PCDHGA8: variants seen among roughly 807,000 people sequenced by gnomAD.
PCDHGA8 encodes the protein protocadherin gamma subfamily A, 8.
In PCDHGA8, 45 loss-of-function variants were observed where a neutral mutation model predicts 59.2. That is an observed-to-expected ratio of 0.76 (90% confidence interval 0.60 to 0.98). The LOEUF (loss-of-function observed/expected upper bound fraction) is 0.98, where lower values mean the gene tolerates loss of function less well. Among genes scored for constraint, PCDHGA8 ranks in the 50% least tolerant of loss-of-function variants. The pLI is 0.00. For missense variants in PCDHGA8, 1,257 were observed against 1,196.2 expected (o/e 1.05, Z -0.75); for synonymous variants, 531 against 519.0 (o/e 1.02, Z -0.32).
intron 1 of PCDHGA8, among the ~76,000 whole-genome samples, chr5:141,430,357 T>C (rs1258305414): frequency 1.3e-5 from 2 of 149,904 alleles, no homozygotes; most frequent in Non-Finnish European, 3.0e-5. Context: ...ATTTAAAAGC[T>C]CATTGGGGAA....
intron 2 of PCDHGA8, among the ~76,000 whole-genome samples, chr5:141,502,124 A>G (rs4912762): frequency 0.55 from 83,213 of 152,012 alleles, 23,486 homozygotes; most frequent in African/African-American, 0.67. Flanking sequence ...CCAGGCCCAC[A>G]GAGCTCAGTC....
chr5:141,415,107 A>C (rs372656276), intron 1 of PCDHGA8: 12 of 1,613,634 alleles, frequency 7.4e-6, no homozygotes, highest in East Asian at 2.2e-5. Context: ...CGCTCAAGCA[A>C]AGCCTCGTAG....
rs758181180 is a variant in PCDHGA8 at position 141,485,483 on chromosome 5, G to T, written c.2425-9324G>T. The T allele has an allele frequency of 1.9e-6, 3 of 1,614,106 alleles. No homozygotes were observed. The highest frequency in any genetic ancestry group is 2.5e-6 in the Non-Finnish European group (3 of 1,180,022). ...GTGTGGGCTCAGTGCCAGCTGCATC[G>T]TGCCCCTGGAGTTTGTCACCGAAGG... On this transcript the variant is annotated intron_variant, in intron 1 of 3. Coordinates refer to ENST00000398604, the MANE Select transcript of PCDHGA8 (RefSeq NM_032088.2). The surrounding 1 kb of genome is among the most constrained non-coding windows in gnomAD (Gnocchi z 5.7).
In PCDHGA8 at chr5:141,410,925, C is replaced by T. The variant is rs576126485; in HGVS notation, c.2424+15688C>T. The T allele has an allele frequency of 2.3e-5, 5 of 217,506 alleles. No individual in the cohort carries two copies. The East Asian group carries it at 5.8e-4, about 25-fold the overall frequency. 13.5% of individuals were successfully genotyped at this position (217,506 alleles called of 1,614,324 possible). Reference sequence around the variant, plus strand: ...CTGGAGTGCAGTGGCGTGATCTCTGCTCACTGCAACCTCCGCCTTCTGGGT... The same window carrying T: ...CTGGAGTGCAGTGGCGTGATCTCTGTTCACTGCAACCTCCGCCTTCTGGGT... On this transcript the variant is annotated intron_variant, in intron 1 of 3. Coordinates refer to ENST00000398604, the MANE Select transcript of PCDHGA8 (RefSeq NM_032088.2).
At chr5:141,410,492 T>C in intron 1 of PCDHGA8, 2 of 1,613,912 alleles carry the variant, frequency 1.2e-6, no homozygotes, top group Non-Finnish European at 1.7e-6. Flanking sequence ...TACAAAAGAG[T>C]TTAATTTCCT....
chr5:141,402,944 G>A (rs1487270083), intron 1 of PCDHGA8: 2 of 1,592,136 alleles, frequency 1.3e-6, no homozygotes, highest in Non-Finnish European at 1.7e-6. Context: ...ATTCCAAAGC[G>A]AGGCAGCAAT....
chr5:141,434,092 A>C (rs1333686339), intron 1 of PCDHGA8, among the ~76,000 whole-genome samples: 1 of 152,172 alleles, frequency 6.6e-6, no homozygotes, highest in Non-Finnish European at 1.5e-5. Context: ...TTTGATGCTG[A>C]AATTGTCCCA....
intron 1 of PCDHGA8, among the ~76,000 whole-genome samples, chr5:141,402,646 G>A (rs2094289569): frequency 6.6e-6 from 1 of 152,198 alleles, no homozygotes; most frequent in South Asian, 2.1e-4. Context: ...ATCATAATTA[G>A]AAGAGAGTAG....
intron 1 of PCDHGA8, chr5:141,405,052 C>A (rs182635391): frequency 2.0e-4 from 329 of 1,613,956 alleles, no homozygotes; most frequent in Non-Finnish European, 2.5e-4. Flanking sequence ...TGGCAGTCGT[C>A]TCCTGTGTCT....
rs149314216 is a variant in PCDHGA8, at chr5:141,487,041, G to A, written c.2425-7766G>A. 2.1e-3 allele frequency: 3,442 copies of A among 1,614,128 alleles called. 3 individuals carry two copies. Among genetic ancestry groups the A allele is most frequent in the Non-Finnish European group, 2.7e-3 (3,235 of 1,180,026 alleles). ...GATCCCAGCCTGTTTGCAGTCTCTC[G>A]ATATGCTGGGGAGGTGCGGACGGCT... On this transcript the variant is annotated intron_variant, in intron 1 of 3. Transcript: ENST00000398604. The surrounding 1 kb of genome is among the most constrained non-coding windows in gnomAD (Gnocchi z 5.0).
intron 1 of PCDHGA8, chr5:141,478,112 G>A (rs2099430344): frequency 1.2e-6 from 2 of 1,613,968 alleles, no homozygotes; most frequent in South Asian, 2.2e-5. Flanking sequence ...CACTGTGTCA[G>A]TAACCGAGGA....
At position 141,477,984 on chromosome 5, in the gene PCDHGA8, T is replaced by A; in HGVS notation, c.2425-16823T>A. On this transcript the variant is annotated intron_variant, in intron 1 of 3. Coordinates refer to ENST00000398604, the MANE Select transcript of PCDHGA8 (RefSeq NM_032088.2). This position sits in a 1 kb window ranked among gnomAD's most constrained non-coding sequence, Gnocchi z 4.9. ...AACCAGAGCCTTTTTGCCATAGGGC[T>A]GCACACTGGTCAAATCAGTACTGCC... 6.2e-7 allele frequency: 1 copy of A among 1,614,146 alleles called. No homozygotes were observed. The highest frequency in any genetic ancestry group is 8.5e-7 in the Non-Finnish European group (1 of 1,180,028).
chr5:141,491,110 C>T lies in PCDHGA8; in HGVS notation c.2425-3697C>T. On this transcript the variant is annotated intron_variant, in intron 1 of 3. Transcript: ENST00000398604. This position sits in a 1 kb window ranked among gnomAD's most constrained non-coding sequence, Gnocchi z 6.9. ...CCCAGGACTGTTCCTCGTGTCTACA[C>T]ACACTGGTGAGGTGCGCACAGCCCG... 3.7e-6 allele frequency: 6 copies of T among 1,614,212 alleles called. No individual in the cohort carries two copies. Among genetic ancestry groups the T allele is most frequent in the Non-Finnish European group, 5.1e-6 (6 of 1,180,024 alleles).
At chr5:141,423,257 G>A in intron 1 of PCDHGA8, 2 of 1,613,946 alleles carry the variant, frequency 1.2e-6, no homozygotes, top group Non-Finnish European at 1.7e-6. Context: ...GCGGACCTCG[G>A]CAGCCTCGAG....
rs575856599 is a variant in PCDHGA8 at position 141,399,712 on chromosome 5, C to T, written c.2424+4475C>T. ...GCTGCGCACCTTCGAACTCACACTA[C>T]AGGCCCGCGACCAGGGCTCGCCTGC... On this transcript the variant is annotated intron_variant, in intron 1 of 3. Transcript: ENST00000398604. The T allele has an allele frequency of 7.4e-6, 12 of 1,613,378 alleles. No individual in the cohort carries two copies. In the East Asian group the frequency reaches 2.2e-4, roughly 30 times the overall value.
rs1004089667 is a variant in PCDHGA8, at chr5:141,497,399, C to G, written c.2483+2534C>G. The stretch of plus-strand genomic sequence containing the variant: ...TGGGGTGAGCACCTTACCCCTGCCT[C>G]AACTCCCATTCCATCAAATGAGAGG... On this transcript the variant is annotated intron_variant, in intron 2 of 3. Coordinates refer to ENST00000398604, the MANE Select transcript of PCDHGA8 (RefSeq NM_032088.2). Among the ~76,000 whole-genome samples the G allele has an allele frequency of 5.9e-5, 9 of 152,146 alleles. 1 individual carries two copies. The highest frequency in any genetic ancestry group is 1.2e-4 in the Non-Finnish European group (8 of 68,034).
In PCDHGA8 at chr5:141,486,600, C is replaced by G. The variant is rs748395954; in HGVS notation, c.2425-8207C>G. Reference sequence around the variant, plus strand: ...AATCGCCCAGGGGACCTGCTTTGCTCCCTTGCAGCCTCTGACCCAGACTCT... The same window carrying G: ...AATCGCCCAGGGGACCTGCTTTGCTGCCTTGCAGCCTCTGACCCAGACTCT... On this transcript the variant is annotated intron_variant, in intron 1 of 3. Transcript: ENST00000398604. This position sits in a 1 kb window ranked among gnomAD's most constrained non-coding sequence, Gnocchi z 5.0. 21 of 1,613,602 alleles carry G rather than the reference C, an allele frequency of 1.3e-5. No individual in the cohort carries two copies. Among genetic ancestry groups the G allele is most frequent in the South Asian group, 2.2e-5 (2 of 91,086 alleles).
Position 141,415,740 on chromosome 5 carries a change from G to GTTTTTT in PCDHGA8, c.2424+20530_2424+20535dup, listed in dbSNP as rs57426385. ...TGAGTAGAATTTGATGTTTATTAAGGTTTTTTTTTTTTTTTTTTTTTTTTT... is the reference window on the plus strand; with the variant it reads ...TGAGTAGAATTTGATGTTTATTAAGGTTTTTTTTTTTTTTTTTTTTTTTTTTTTTTT... On this transcript the variant is annotated intron_variant, in intron 1 of 3. Transcript: ENST00000398604. 6.6e-4 allele frequency: 412 copies of GTTTTTT among 624,836 alleles called. 3 individuals carry two copies. The highest frequency in any genetic ancestry group is 1.2e-3 in the African/African-American group (49 of 39,912). The allele number at this position is 624,836 out of a possible 1,614,324, so 38.7% of individuals were successfully genotyped here.
At chr5:141,429,489 A>G (rs2097218567) in intron 1 of PCDHGA8, among the ~76,000 whole-genome samples, 1 of 152,062 alleles carries the variant, frequency 6.6e-6, no homozygotes, top group South Asian at 2.1e-4. Context: ...AGCTGAGACT[A>G]CAGTTGCCTG....
Sources: gnomAD v4.1 joint callset for allele counts (sites outside exome capture counted in the v4.1 genomes callset) on GRCh38, gnomAD v4.1.1 for gene constraint, Gnocchi (gnomAD v3.1) non-coding constraint, MANE v1.5 for transcripts, NCBI Gene and HGNC (gene_info 2026-07-23, HGNC 2026-07-21) for gene names.